The following LRRC39 variants were observed in gnomAD, a reference collection of about 807,000 sequenced individuals.
LRRC39 encodes leucine-rich repeat-containing protein 39.
In LRRC39, 35 loss-of-function variants were observed where a neutral mutation model predicts 39.7. That is an observed-to-expected ratio of 0.88 (90% CI 0.67 to 1.17). The LOEUF is 1.17. LRRC39 is among the 50% of genes most tolerant of loss of function. The pLI is 0.00. For missense variants in LRRC39, 357 were observed against 385.8 expected (o/e 0.93, Z 0.62); for synonymous variants, 113 against 134.1 (o/e 0.84, Z 1.09).
chr1:100,171,459 T>C (rs1337754937), intron 2 of LRRC39, among the ~76,000 whole-genome samples: 2 of 151,648 alleles, frequency 1.3e-5, no homozygotes, highest in Non-Finnish European at 2.9e-5. Context: ...AAAAAAAGCC[T>C]ATATTATTTC....
Position 100,148,886 on chromosome 1 carries a change from CA to C in LRRC39, c.*155del, listed in dbSNP as rs894948482. ...AAATTTTTTAATTATATTTTTATATCAAAAAAATATATACTTTAAATAGCAA... is the reference window on the plus strand; with the variant it reads ...AAATTTTTTAATTATATTTTTATATCAAAAAATATATACTTTAAATAGCAA... On this transcript the variant is annotated 3_prime_UTR_variant, in exon 10 of 10. Transcript: ENST00000370137. 54 of 1,127,568 alleles carry C rather than the reference CA, an allele frequency of 4.8e-5. No homozygotes were observed. The highest frequency in any genetic ancestry group is 9.4e-5 in the South Asian group (3 of 32,078). The allele number at this position is 1,127,568 out of a possible 1,614,324, so 69.8% of individuals were successfully genotyped here.
intron 8 of LRRC39, among the ~76,000 whole-genome samples, chr1:100,153,300 C>T (rs557796311): frequency 6.6e-6 from 1 of 152,148 alleles, no homozygotes; most frequent in African/African-American, 2.4e-5. Context: ...CTTGAGGGAG[C>T]GTTCAAGATG....
At position 100,156,224 on chromosome 1, in the gene LRRC39, A is replaced by G; in HGVS notation, c.607T>C (p.Trp203Arg). 1 of 1,613,960 alleles carries G rather than the reference A, an allele frequency of 6.2e-7. No homozygotes were observed. Among genetic ancestry groups the G allele is most frequent in the Non-Finnish European group, 8.5e-7 (1 of 1,179,890 alleles). The change falls in exon 7 of 10, where the codon TGG (tryptophan) becomes CGG (arginine). Residue 203 changes from tryptophan to arginine, a missense_variant. Coordinates refer to ENST00000370137, the MANE Select transcript of LRRC39 (RefSeq NM_144620.4). ...AGTTTGTTGCTTCCCATGTCCAGCC[A>G]CTCAAGGGCAGGCATGTTCAACACA... ...LAVLNMPALE[W>R]LDMGSNKLEQ...
chr1:100,171,377 TA>T (rs1659587195), intron 2 of LRRC39, among the ~76,000 whole-genome samples: 1 of 152,094 alleles, frequency 6.6e-6, no homozygotes, highest in Non-Finnish European at 1.5e-5. Flanking sequence ...TTCAAGGGAT[TA>T]AAGTAGCATG....
chr1:100,171,982 T>A (rs1048277058), intron 2 of LRRC39, among the ~76,000 whole-genome samples: 1 of 151,762 alleles, frequency 6.6e-6, no homozygotes, highest in African/African-American at 2.4e-5. Flanking sequence ...GCTAAAAAAT[T>A]TACATCCATC....
At chr1:100,178,815 T>C (rs1410782863), upstream of LRRC39, among the ~76,000 whole-genome samples, 1 of 152,072 alleles carries the variant, frequency 6.6e-6, no homozygotes, top group African/African-American at 2.4e-5. Context: ...CAATCTCCAC[T>C]CTCTCCATCC....
chr1:100,156,353 C>T (rs761770274), intron 6 of LRRC39, 36 bp from the exon 7 acceptor site: 1 of 1,570,530 alleles, frequency 6.4e-7, no homozygotes, highest in East Asian at 2.3e-5. Flanking sequence ...AAATAAATGT[C>T]CACAATGTAA....
upstream of LRRC39, among the ~76,000 whole-genome samples, chr1:100,179,113 TG>T (rs1660132589): frequency 6.6e-6 from 1 of 152,234 alleles, no homozygotes; most frequent in African/African-American, 2.4e-5. Flanking sequence ...TTCTTTTTAA[TG>T]GCTACATAGC....
chr1:100,176,740 G>T (rs1659992334), intron 1 of LRRC39, among the ~76,000 whole-genome samples: 1 of 152,220 alleles, frequency 6.6e-6, no homozygotes, highest in East Asian at 1.9e-4. Context: ...AGAAGGAAAT[G>T]TTGGCTCTGC....
At chr1:100,169,901 A>G (rs996075805) in intron 2 of LRRC39, among the ~76,000 whole-genome samples, 1 of 152,060 alleles carries the variant, frequency 6.6e-6, no homozygotes, top group Admixed American at 6.6e-5. Context: ...GCCCATTTAT[A>G]CTCTTACTAC....
chr1:100,152,331 C>G, intron 9 of LRRC39, 54 bp downstream of exon 9: 2 of 1,546,084 alleles, frequency 1.3e-6, no homozygotes, highest in Non-Finnish European at 1.8e-6. Flanking sequence ...GTTAGTGATA[C>G]ACACATTACT....
chr1:100,161,640 T>C (rs1025775989), intron 3 of LRRC39, among the ~76,000 whole-genome samples: 1 of 152,174 alleles, frequency 6.6e-6, no homozygotes, highest in Non-Finnish European at 1.5e-5. Context: ...ATATGGTAAC[T>C]TTATGTTTAA....
intron 2 of LRRC39, among the ~76,000 whole-genome samples, chr1:100,169,208 G>A (rs1430256384): frequency 1.3e-5 from 2 of 151,936 alleles, no homozygotes; most frequent in Non-Finnish European, 2.9e-5. Context: ...GATCAAATTA[G>A]TAATAATAAA....
At chr1:100,151,995 A>G (rs1003753533) in intron 9 of LRRC39, among the ~76,000 whole-genome samples, 2 of 152,156 alleles carry the variant, frequency 1.3e-5, no homozygotes, top group African/African-American at 2.4e-5. Flanking sequence ...CTGTGTTCTC[A>G]ATATTTTTCA....
At chr1:100,178,570 C>T (rs1054020354), upstream of LRRC39, among the ~76,000 whole-genome samples, 4 of 151,912 alleles carry the variant, frequency 2.6e-5, no homozygotes, top group Non-Finnish European at 4.4e-5. Context: ...CATGGATCTG[C>T]AAATATTTGA....
chr1:100,152,870 G>A (rs1465913032), intron 8 of LRRC39, among the ~76,000 whole-genome samples: 1 of 152,070 alleles, frequency 6.6e-6, no homozygotes, highest in Non-Finnish European at 1.5e-5. Flanking sequence ...GGGACTAGAG[G>A]TGCACACCAT....
At chr1:100,177,520 G>C (rs1489602176) in intron 1 of LRRC39, among the ~76,000 whole-genome samples, 3 of 152,186 alleles carry the variant, frequency 2.0e-5, no homozygotes, top group Non-Finnish European at 2.9e-5. Flanking sequence ...TCTCTTTGCT[G>C]TGAAGAAACC....
rs757177357 is a variant in LRRC39 at position 100,149,113 on chromosome 1, CAT to C, written c.953-18_953-17del. 6.3e-7 allele frequency: 1 copy of C among 1,590,148 alleles called. No homozygotes were observed. The highest frequency in any genetic ancestry group is 8.5e-7 in the Non-Finnish European group (1 of 1,172,902). ...ACTTGGTGATCTGAAACATACATAA[CAT>C]GTCAACACATAATTAGCGTATTTCT... On this transcript the variant is annotated splice_polypyrimidine_tract_variant and intron_variant, in intron 9 of 9. Transcript: ENST00000370137.
chr1:100,152,602 G>A, intron 8 of LRRC39, 78 bp from the exon 9 acceptor site: 1 of 1,446,048 alleles, frequency 6.9e-7, no homozygotes, highest in Non-Finnish European at 9.4e-7. Flanking sequence ...AAGGTCAAAT[G>A]ATAATATACT....
Sources: gnomAD v4.1 joint callset for allele counts (sites outside exome capture counted in the v4.1 genomes callset) on GRCh38, gnomAD v4.1.1 for gene constraint, MANE v1.5 for transcripts, NCBI Gene and HGNC (gene_info 2026-07-23, HGNC 2026-07-21) for gene names.